The following DST variants were observed in gnomAD, a reference collection of about 807,000 sequenced individuals.
DST encodes dystonin, also known as bullous pemphigoid antigen.
DST carries 253 observed loss-of-function variants against 875.2 expected under a neutral mutation model. The observed-to-expected ratio is 0.29, with a 90% CI of 0.26 to 0.32. DST has a LOEUF of 0.32. Among genes scored for constraint, DST ranks in the 10% least tolerant of loss-of-function variants. The pLI, the probability that DST is intolerant of heterozygous loss-of-function variation, is 1.00. For missense variants in DST, 8,287 were observed against 9,111.6 expected (o/e 0.91, Z 3.68); for synonymous variants, 3,124 against 3,197.1 (o/e 0.98, Z 0.77).
rs4712138 is a variant in DST, at chr6:56,598,612, T to C, written c.11792A>G (p.Gln3931Arg). The C allele has an allele frequency of 0.37, 600,675 of 1,610,518 alleles. 113,576 individuals carry two copies. The highest frequency in any genetic ancestry group is 0.41 in the Admixed American group (24,350 of 59,894). ...FLKENGEKLS[Q>R]EDKALIEQKL... ...CTGTTCAATCAAAGCCTTATCTTCC[T>C]GTGACAGCTTTTCACCATTCTCTTT... The change falls in exon 46 of 104, where the codon CAG (glutamine) becomes CGG (arginine). Residue 3931 changes from glutamine to arginine, a missense_variant. Around this residue, in one of 10 missense-constraint regions of DST, gnomAD observed 1,513 missense variants for 1,677.8 expected, o/e 0.90. Transcript: ENST00000680361.
chr6:56,784,840 T>C (rs1032528436), intron 4 of DST, among the ~76,000 whole-genome samples: 1 of 152,218 alleles, frequency 6.6e-6, no homozygotes, highest in Admixed American at 6.5e-5. Flanking sequence ...TCTGTTTTTT[T>C]CCCCATCTTT....
chr6:56,618,328 G>C, intron 36 of DST: 1 of 1,614,150 alleles, frequency 6.2e-7, no homozygotes, highest in South Asian at 1.1e-5. Context: ...TTGGGTGAAG[G>C]TGTCCAGTGT....
rs1159719185 is a variant in DST at position 56,642,092 on chromosome 6, T to C, written c.1882A>G (p.Arg628Gly). 1 of 1,609,632 alleles carries C rather than the reference T, an allele frequency of 6.2e-7. No individual in the cohort carries two copies. Among genetic ancestry groups the C allele is most frequent in the Non-Finnish European group, 8.5e-7 (1 of 1,176,616 alleles). Residue 628 changes from arginine (R) to glycine (G), a missense_variant, in exon 17 of 104, where the codon AGA (arginine) becomes GGA (glycine). Coordinates refer to ENST00000680361, the MANE Select transcript of DST (RefSeq NM_001374736.1). ...AGNALQSDSK[R>G]LESGVQFQNE... The stretch of plus-strand genomic sequence containing the variant: ...TGAAACTGCACTCCTGATTCTAATC[T>C]TTTAGAATCCTGTATTTTAAAAGAA...
In DST at chr6:56,463,164, G is replaced by A. The variant is rs1218502975; in HGVS notation, c.22960-8C>T. ...TGTTAAAGGATGGAGAATCTGTATG[G>A]AACAATGGCAAATCAAATGAAAAGG... On this transcript the variant is annotated splice_polypyrimidine_tract_variant and splice_region_variant and intron_variant, in intron 101 of 103. Transcript: ENST00000680361. 7.2e-6 allele frequency: 11 copies of A among 1,530,598 alleles called. No homozygotes were observed. The highest frequency in any genetic ancestry group is 1.7e-4 in the Middle Eastern group (1 of 5,906). 94.8% of individuals were successfully genotyped at this position (1,530,598 alleles called of 1,614,324 possible). A position where few individuals can be genotyped will look rare whatever the true frequency, so the allele number is the denominator to read the frequency against.
intron 4 of DST, among the ~76,000 whole-genome samples, chr6:56,741,362 A>C (rs964077270): frequency 7.9e-5 from 12 of 152,200 alleles, no homozygotes; most frequent in African/African-American, 2.7e-4. Context: ...AACACACATA[A>C]TTCATAAATT....
intron 3 of DST, among the ~76,000 whole-genome samples, chr6:56,863,443 G>A (rs1308540183): frequency 1.3e-5 from 2 of 152,172 alleles, no homozygotes; most frequent in Non-Finnish European, 2.9e-5. Flanking sequence ...CTGCATTTAT[G>A]AAGTAAATTC....
rs781280301 is a variant in DST at position 56,954,549 on chromosome 6, G to A, written c.39C>T (p.Tyr13=). The A allele has an allele frequency of 1.1e-5, 15 of 1,367,186 alleles. No homozygotes were observed. In the South Asian group the frequency reaches 1.7e-4, roughly 16 times the overall value. The allele number at this position is 1,367,186 out of a possible 1,614,324, so 84.7% of individuals were successfully genotyped here. A position where few individuals can be genotyped will look rare whatever the true frequency, so the allele number is the denominator to read the frequency against. Residue 13 remains tyrosine (Y), a synonymous_variant, in exon 1 of 104, where the codon TAC becomes TAT. Coordinates refer to ENST00000680361, the MANE Select transcript of DST (RefSeq NM_001374736.1). Reference sequence around the variant, plus strand: ...AGAGGAAGAGGGCACATTGGATGCTGTAGGGTCTCAGCAAGACGAGGAAAG... The same window carrying A: ...AGAGGAAGAGGGCACATTGGATGCTATAGGGTCTCAGCAAGACGAGGAAAG... ...AAAFLVLLRP[Y]SIQCALFLLL...
chr6:56,674,986 G>A (rs2099121440), intron 9 of DST, among the ~76,000 whole-genome samples: 1 of 152,152 alleles, frequency 6.6e-6, no homozygotes, highest in Non-Finnish European at 1.5e-5. Context: ...AAACCTGGAA[G>A]CGTCACACTC....
chr6:56,598,739 TATTAA>T, intron 45 of DST, 30 bp from the exon 46 acceptor site: 5 of 1,306,398 alleles, frequency 3.8e-6, no homozygotes, highest in Non-Finnish European at 5.2e-6. Flanking sequence ...AAATATATTT[TATTAA>T]ATTATTACCT....
rs1382014710 is a variant in DST at position 56,601,127 on chromosome 6, C to A, written c.11541+316G>T. Among the ~76,000 whole-genome samples the A allele has an allele frequency of 2.0e-5, 3 of 151,952 alleles. No individual in the cohort carries two copies. The South Asian group carries it at 6.2e-4, about 31-fold the overall frequency. On this transcript the variant is annotated intron_variant, in intron 44 of 103. Transcript: ENST00000680361. ...TCCCAGAGGAAAACGAAACTCTTAA[C>A]CTTCTTTAGTCATATGTTCCTCAAT...
At chr6:56,742,653 C>T (rs957757284) in intron 4 of DST, among the ~76,000 whole-genome samples, 56 of 152,064 alleles carry the variant, frequency 3.7e-4, no homozygotes, top group Non-Finnish European at 1.3e-4. Context: ...TGCAATGAGG[C>T]GAACCAATAG....
At chr6:56,731,304 C>A (rs953508089) in intron 5 of DST, among the ~76,000 whole-genome samples, 1 of 152,236 alleles carries the variant, frequency 6.6e-6, no homozygotes, top group Non-Finnish European at 1.5e-5. Context: ...GTTACCCAGA[C>A]TGGACTCAAG....
intron 10 of DST, among the ~76,000 whole-genome samples, chr6:56,666,725 T>TA (rs1317453882): frequency 1.3e-5 from 2 of 149,644 alleles, no homozygotes; most frequent in African/African-American, 2.5e-5. Context: ...AATTATTAAG[T>TA]AAAAAACTAC....
chr6:56,836,487 C>T (rs1448751227), intron 4 of DST, among the ~76,000 whole-genome samples: 2 of 152,094 alleles, frequency 1.3e-5, no homozygotes, highest in Non-Finnish European at 2.9e-5. Flanking sequence ...CTTAAATGAA[C>T]ATAAAACCAC....
intron 52 of DST, among the ~76,000 whole-genome samples, chr6:56,572,508 G>A (rs957248409): frequency 6.6e-5 from 10 of 152,216 alleles, no homozygotes; most frequent in East Asian, 1.9e-4. Context: ...CTTCTGGTAC[G>A]TAAGATGATA....
In DST at chr6:56,496,862, T is replaced by C. The variant is rs2095927926; in HGVS notation, c.20223+517A>G. Among the ~76,000 whole-genome samples, 8 of 152,216 alleles carry C rather than the reference T, an allele frequency of 5.3e-5. No homozygotes were observed. The South Asian group carries it at 1.4e-3, about 28-fold the overall frequency. On this transcript the variant is annotated intron_variant, in intron 82 of 103. Transcript: ENST00000680361. ...AAAAATGATGAGTTCATGTCCTTTG[T>C]AGGGACATGGATGAAATTGGAAATC...
At chr6:56,824,791 G>A (rs554852368) in intron 4 of DST, among the ~76,000 whole-genome samples, 1 of 152,150 alleles carries the variant, frequency 6.6e-6, no homozygotes, top group Non-Finnish European at 1.5e-5. Flanking sequence ...TCTGAGAAGT[G>A]AGGAGCCCCT....
chr6:56,608,871 A>G lies in DST; in HGVS notation c.5757T>C (p.Asp1919=). 2.5e-6 allele frequency: 4 copies of G among 1,613,632 alleles called. No individual in the cohort carries two copies. Among genetic ancestry groups the G allele is most frequent in the Middle Eastern group, 3.3e-4 (2 of 6,058 alleles). The change falls in exon 40 of 104, where the codon GAT becomes GAC. Residue 1919 remains aspartate, a synonymous_variant. Coordinates refer to ENST00000680361, the MANE Select transcript of DST (RefSeq NM_001374736.1). Reference sequence around the variant, plus strand: ...TCTCAGAGGTGCAGGGGTCAATAAGATCTTTGCACATATTTTGCCTTTCCA... The same window carrying G: ...TCTCAGAGGTGCAGGGGTCAATAAGGTCTTTGCACATATTTTGCCTTTCCA... ...KVLERQNMCK[D]LIDPCTSEKV... is the part of the protein sequence containing the mutation.
At chr6:56,576,644 G>A (rs907024004) in intron 50 of DST, among the ~76,000 whole-genome samples, 2 of 152,122 alleles carry the variant, frequency 1.3e-5, no homozygotes, top group African/African-American at 4.8e-5. Context: ...GTATGAGAGT[G>A]AGTAGCAAAA....
Sources: gnomAD v4.1 joint callset for allele counts (sites outside exome capture counted in the v4.1 genomes callset) on GRCh38, gnomAD v4.1.1 for gene constraint, gnomAD v4.1.1 regional missense constraint, MANE v1.5 for transcripts, NCBI Gene and HGNC (gene_info 2026-07-23, HGNC 2026-07-21) for gene names.